The following CALN1 variants were observed in gnomAD, a reference collection of about 807,000 sequenced individuals.
CALN1 encodes the protein calneuron 1.
CALN1 carries 17 observed loss-of-function variants against 30.6 expected under a neutral mutation model. That is an observed-to-expected ratio of 0.56 (90% CI 0.38 to 0.83). The LOEUF is 0.83. Ranked by LOEUF, CALN1 falls within the 40% of genes least tolerant of loss-of-function variation. The probability of loss-of-function intolerance (pLI) is 0.00; values close to 1 mark genes in which losing one functional copy is unlikely to be tolerated. For missense variants in CALN1, 291 were observed against 354.9 expected, an observed-to-expected ratio of 0.82 and a Z score of 1.45; for synonymous variants, 156 against 131.4, an observed-to-expected ratio of 1.19 and a Z score of -1.28.
intron 4 of CALN1, among the ~76,000 whole-genome samples, chr7:72,064,442 A>T (rs1250549341): frequency 6.6e-6 from 1 of 152,216 alleles, no homozygotes; most frequent in African/African-American, 2.4e-5. Context: ...CACTTTTGGC[A>T]GGTGCTCTTT....
At chr7:72,478,266 C>G in the CALN1 span, among the ~76,000 whole-genome samples, 1 of 145,420 alleles carries the variant, frequency 6.9e-6, no homozygotes, top group East Asian at 2.0e-4. Context: ...TATATATTGC[C>G]ACTGCAATAT....
chr7:71,875,129 T>G (rs1792164869), intron 5 of CALN1, among the ~76,000 whole-genome samples: 1 of 135,776 alleles, frequency 7.4e-6, no homozygotes, highest in African/African-American at 2.8e-5. Flanking sequence ...CATACCATTG[T>G]ACTCCAGCCT....
At chr7:71,810,575 G>A in intron 5 of CALN1, 83 bp from the exon 6 acceptor site, 1 of 1,404,544 alleles carries the variant, frequency 7.1e-7, no homozygotes, top group Non-Finnish European at 9.8e-7. Flanking sequence ...CAGACCCACA[G>A]CTGCTCTGCA....
intron 3 of CALN1, among the ~76,000 whole-genome samples, chr7:72,228,741 ATTTATT>A (rs1793864412): frequency 6.9e-5 from 1 of 14,400 alleles, no homozygotes; most frequent in African/African-American, 4.3e-4. Flanking sequence ...TTATTTATAT[ATTTATT>A]TATTTATTTA....
chr7:72,114,255 A>G lies in CALN1; in HGVS notation c.245-7961T>C, dbSNP rs1036754047. On this transcript the variant is annotated intron_variant, in intron 3 of 6. Coordinates refer to ENST00000395275, the MANE Select transcript of CALN1 (RefSeq NM_031468.4). ...TAAAAATAAAAGTTGAAGGGAAGGG[A>G]AGGGAAGGGAAGGGAAGGGAAGGGA... Among the ~76,000 whole-genome samples the G allele has an allele frequency of 6.0e-4, 33 of 54,690 alleles. 1 individual carries two copies. The East Asian group carries it at 0.017, about 28-fold the overall frequency. The allele number at this position is 54,690 out of a possible 152,430, so 35.9% of individuals were successfully genotyped here.
chr7:71,988,311 C>T (rs924509053), intron 5 of CALN1, among the ~76,000 whole-genome samples: 1 of 152,150 alleles, frequency 6.6e-6, no homozygotes, highest in African/African-American at 2.4e-5. Context: ...ATCTGGCACT[C>T]AGAAGCAGCC....
intron 2 of CALN1, among the ~76,000 whole-genome samples, chr7:72,279,138 T>G (rs1585343495): frequency 6.6e-6 from 1 of 152,298 alleles, no homozygotes; most frequent in East Asian, 1.9e-4. Flanking sequence ...CCTTGACTCC[T>G]TTCCTTGGCC....
At chr7:72,504,219 A>G in the CALN1 span, among the ~76,000 whole-genome samples, 1 of 152,154 alleles carries the variant, frequency 6.6e-6, no homozygotes, top group African/African-American at 2.4e-5. Context: ...AATAAATCCC[A>G]TGTGTCTTTC....
At chr7:72,008,892 G>A (rs1799923383) in intron 5 of CALN1, among the ~76,000 whole-genome samples, 2 of 152,028 alleles carry the variant, frequency 1.3e-5, no homozygotes, top group African/African-American at 4.8e-5. Context: ...CTGACCTCAG[G>A]TGATCCACCC....
intron 5 of CALN1, among the ~76,000 whole-genome samples, chr7:71,893,925 G>GA (rs1020748663): frequency 2.0e-5 from 3 of 152,006 alleles, no homozygotes; most frequent in Admixed American, 1.3e-4. Flanking sequence ...TTTTCTCTGT[G>GA]AATCAGGCTT....
At chr7:72,166,781 G>A (rs1271246141) in intron 3 of CALN1, among the ~76,000 whole-genome samples, 1 of 152,114 alleles carries the variant, frequency 6.6e-6, no homozygotes, top group African/African-American at 2.4e-5. Context: ...GGTGGCTCAC[G>A]CCAGTAATCC....
intron 5 of CALN1, among the ~76,000 whole-genome samples, chr7:71,841,920 T>C (rs1474219559): frequency 6.6e-6 from 1 of 151,764 alleles, no homozygotes; most frequent in African/African-American, 2.4e-5. Context: ...ATTTGAATGA[T>C]GGGTTCAATA....
At chr7:72,344,115 G>A (rs947133493) in intron 2 of CALN1, among the ~76,000 whole-genome samples, 1 of 152,080 alleles carries the variant, frequency 6.6e-6, no homozygotes, top group African/African-American at 2.4e-5. Context: ...CTTGATTTCA[G>A]AAAGGAAGAG....
In CALN1 at chr7:71,806,720, AC is replaced by A. The variant is rs149827306; in HGVS notation, c.658+3615del. Among the ~76,000 whole-genome samples the A allele has an allele frequency of 4.0e-4, 60 of 148,442 alleles. No individual in the cohort carries two copies. In the East Asian group the frequency reaches 7.0e-3, roughly 17 times the overall value. ...CTACTGATGTCAGCTGGTCTGAAGG[AC>A]CCCCCCCCAGGGAGCTGACTTACCA... is the stretch of plus-strand genomic sequence containing the variant. On this transcript the variant is annotated intron_variant, in intron 6 of 6. Transcript: ENST00000395275.
chr7:72,380,121 C>A (rs1384731627), intron 2 of CALN1, among the ~76,000 whole-genome samples: 2 of 152,068 alleles, frequency 1.3e-5, no homozygotes, highest in Non-Finnish European at 2.9e-5. Flanking sequence ...TTGATGAGTT[C>A]TCCAACAGAG....
At chr7:71,812,929 CATT>C (rs71092917) in intron 5 of CALN1, among the ~76,000 whole-genome samples, 58,043 of 136,200 alleles carry the variant, frequency 0.43, 13,159 homozygotes, top group Non-Finnish European at 0.52. Flanking sequence ...TCATCATCAT[CATT>C]ATTATTATTA....
intron 2 of CALN1, among the ~76,000 whole-genome samples, chr7:72,291,403 G>A (rs889355241): frequency 3.3e-5 from 5 of 152,134 alleles, no homozygotes; most frequent in Non-Finnish European, 7.4e-5. Context: ...AACAGGTGAC[G>A]CTTTTCCCAC....
chr7:72,409,739 G>T (rs933994620), intron 1 of CALN1, among the ~76,000 whole-genome samples: 2 of 152,030 alleles, frequency 1.3e-5, no homozygotes, highest in African/African-American at 4.8e-5. Flanking sequence ...ATGGTTTTTA[G>T]CCTCTGGGAC....
At chr7:71,939,656 A>G (rs1796023067) in intron 5 of CALN1, among the ~76,000 whole-genome samples, 1 of 152,122 alleles carries the variant, frequency 6.6e-6, no homozygotes, top group Non-Finnish European at 1.5e-5. Flanking sequence ...GAGGCAAGAA[A>G]CAAAGGTAAT....
Sources: allele counts gnomAD v4.1 joint callset (sites outside exome capture counted in the v4.1 genomes callset), GRCh38; gene constraint gnomAD v4.1.1; transcripts MANE v1.5; gene names NCBI Gene and HGNC (gene_info 2026-07-23, HGNC 2026-07-21).